Variants in SPOPL observed in about 807,000 individuals in gnomAD.
SPOPL encodes the protein speckle-type POZ protein-like.
In SPOPL, 23 loss-of-function variants were observed where a neutral mutation model predicts 53.8. The observed-to-expected ratio is 0.43, with a 90% confidence interval of 0.31 to 0.61. The LOEUF (loss-of-function observed/expected upper bound fraction) is 0.61. SPOPL is among the 20% of genes least tolerant of loss of function. The pLI, the probability that SPOPL is intolerant of heterozygous loss-of-function variation, is 0.12. For synonymous variants in SPOPL, 164 were observed against 149.7 expected (o/e 1.10, Z -0.70); for missense variants, 442 against 466.9 (o/e 0.95, Z 0.49).
In SPOPL at chr2:138,569,959, A is replaced by G. The variant is rs1179114687; in HGVS notation, c.*879A>G. On this transcript the variant is annotated 3_prime_UTR_variant, in exon 11 of 11. Transcript: ENST00000280098. ...AACTTTTGTATGCTGAATGGTACAT[A>G]TATTTTTTTGCTTTTGAGGGAATTA... 3 of 152,574 alleles carry G rather than the reference A, an allele frequency of 2.0e-5. No homozygotes were observed. 9.5% of individuals were successfully genotyped at this position (152,574 alleles called of 1,614,324 possible).
At chr2:138,560,113 G>A (rs1685512533) in intron 7 of SPOPL, among the ~76,000 whole-genome samples, 1 of 152,096 alleles carries the variant, frequency 6.6e-6, no homozygotes, top group Non-Finnish European at 1.5e-5. Flanking sequence ...ATTGATCTCA[G>A]CAAAGAAACT....
rs191324386 is a variant in SPOPL at position 138,528,654 on chromosome 2, A to G, written c.-60-21503A>G. On this transcript the variant is annotated intron_variant, in intron 1 of 10. Coordinates refer to ENST00000280098, the MANE Select transcript of SPOPL (RefSeq NM_001001664.3). ...GGTATCTAGAAATCAGAAAATTACT[A>G]GAAAAACTGTATACTTTGTCACATA... 3.3e-5 allele frequency among the ~76,000 whole-genome samples: 5 copies of G among 152,328 alleles called. No individual in the cohort carries two copies. In the East Asian group the frequency reaches 7.7e-4, roughly 24 times the overall value.
At chr2:138,554,513 C>T in intron 5 of SPOPL, 1 of 1,289,550 alleles carries the variant, frequency 7.8e-7, no homozygotes, top group Admixed American at 2.3e-5. Flanking sequence ...CTCCCCCTCC[C>T]CTGCAAGTGG....
chr2:138,506,657 G>GT (rs1195393960), intron 1 of SPOPL, among the ~76,000 whole-genome samples: 1 of 152,078 alleles, frequency 6.6e-6, no homozygotes, highest in East Asian at 1.9e-4. Context: ...TTATTTTGTA[G>GT]TTTCAGGGAA....
Position 138,564,443 on chromosome 2 carries a change from T to A in SPOPL, c.838-265T>A, listed in dbSNP as rs148739835. ...AGAGAAGTATATTTATTAAGAATAT[T>A]GAGTAATAAGGTAGCTTTTTAGAAT... On this transcript the variant is annotated intron_variant, in intron 8 of 10. Coordinates refer to ENST00000280098, the MANE Select transcript of SPOPL (RefSeq NM_001001664.3). 5.9e-4 allele frequency: 218 copies of A among 371,672 alleles called. 1 individual carries two copies. The highest frequency in any genetic ancestry group is 4.3e-3 in the African/African-American group (207 of 48,082). 23.0% of individuals were successfully genotyped at this position (371,672 alleles called of 1,614,324 possible).
chr2:138,570,534 C>T lies in SPOPL; in HGVS notation c.*1454C>T, dbSNP rs1685758869. Reference sequence around the variant, plus strand: ...AGCAGTCAGTGTTGGGGTACCACATCTGACTTACTGTGGTGGTGACCAGTG... The same window carrying T: ...AGCAGTCAGTGTTGGGGTACCACATTTGACTTACTGTGGTGGTGACCAGTG... On this transcript the variant is annotated 3_prime_UTR_variant, in exon 11 of 11. Coordinates refer to ENST00000280098, the MANE Select transcript of SPOPL (RefSeq NM_001001664.3). 1 of 152,110 alleles carries T rather than the reference C, an allele frequency of 6.6e-6. No homozygotes were observed. Among genetic ancestry groups the T allele is most frequent in the African/African-American group, 2.4e-5 (1 of 41,430 alleles). The allele number at this position is 152,110 out of a possible 1,614,324, so 9.4% of individuals were successfully genotyped here.
intron 1 of SPOPL, among the ~76,000 whole-genome samples, chr2:138,534,460 C>T (rs1173185127): frequency 6.6e-6 from 1 of 152,054 alleles, no homozygotes; most frequent in Non-Finnish European, 1.5e-5. Context: ...ACTGGAACAT[C>T]TGTGAATTTT....
At chr2:138,549,234 A>G (rs747626991) in intron 1 of SPOPL, among the ~76,000 whole-genome samples, 4 of 152,054 alleles carry the variant, frequency 2.6e-5, no homozygotes, top group Non-Finnish European at 5.9e-5. Context: ...ATATATGTTT[A>G]TACTTGTCAT....
intron 1 of SPOPL, among the ~76,000 whole-genome samples, chr2:138,542,812 T>C (rs1685103851): frequency 1.3e-5 from 2 of 152,340 alleles, no homozygotes; most frequent in South Asian, 4.1e-4. Context: ...CTTTAGTTGA[T>C]GCAGTTTCTT....
At chr2:138,565,735 ATT>A (rs1191604759) in intron 10 of SPOPL, among the ~76,000 whole-genome samples, 16 of 142,896 alleles carry the variant, frequency 1.1e-4, no homozygotes, top group Non-Finnish European at 9.3e-5. Context: ...GAAAGTGGGA[ATT>A]TTTTTTTTTT....
In SPOPL at chr2:138,559,355, G is replaced by T; in HGVS notation, c.714+18G>T. The T allele has an allele frequency of 6.3e-7, 1 of 1,596,010 alleles. No individual in the cohort carries two copies. Among genetic ancestry groups the T allele is most frequent in the South Asian group, 1.1e-5 (1 of 88,312 alleles). On this transcript the variant is annotated intron_variant, in intron 7 of 10. Transcript: ENST00000280098. ...GCAAAAAGGTAAACATGGCTTAAAGGCTAATATTGAATTTATATAAACGTA... is the reference window on the plus strand; with the variant it reads ...GCAAAAAGGTAAACATGGCTTAAAGTCTAATATTGAATTTATATAAACGTA...
chr2:138,555,779 A>G (rs944552203), intron 5 of SPOPL, among the ~76,000 whole-genome samples: 5 of 152,160 alleles, frequency 3.3e-5, no homozygotes, highest in Non-Finnish European at 7.3e-5. Flanking sequence ...TGTCTAAACT[A>G]TGTTCTCTGA....
rs563220422 is a variant in SPOPL, at chr2:138,513,949, G to A, written c.-61+11830G>A. ...GGGCATCAAGGGGGCTCATTTATTT[G>A]TTAAACTTTTTTTGCTTTTTTATTT... is the stretch of plus-strand genomic sequence containing the variant. On this transcript the variant is annotated intron_variant, in intron 1 of 10. Coordinates refer to ENST00000280098, the MANE Select transcript of SPOPL (RefSeq NM_001001664.3). Among the ~76,000 whole-genome samples the A allele has an allele frequency of 9.2e-5, 14 of 152,184 alleles. No individual in the cohort carries two copies. The South Asian group carries it at 2.3e-3, about 25-fold the overall frequency.
At position 138,552,568 on chromosome 2, in the gene SPOPL, T is replaced by TATCG. The variant is rs1277258109; in HGVS notation, c.370_373dup (p.Phe125SerfsTer11). Reference sequence around the variant, plus strand: ...TTTTCCACCAGAAAGCCAAAGAGCATATCGATTTGTGCAAGGGAAGGACTG... The same window carrying TATCG: ...TTTTCCACCAGAAAGCCAAAGAGCATATCGATCGATTTGTGCAAGGGAAGGACTG... On this transcript the variant is annotated frameshift_variant, in exon 5 of 11. Coordinates refer to ENST00000280098, the MANE Select transcript of SPOPL (RefSeq NM_001001664.3). LOFTEE classifies it high-confidence loss of function. 1 of 1,610,454 alleles carries TATCG rather than the reference T, an allele frequency of 6.2e-7. No individual in the cohort carries two copies. The highest frequency in any genetic ancestry group is 8.5e-7 in the Non-Finnish European group (1 of 1,178,546).
At chr2:138,503,060 C>T (rs1167592861) in intron 1 of SPOPL, among the ~76,000 whole-genome samples, 1 of 152,168 alleles carries the variant, frequency 6.6e-6, no homozygotes, top group African/African-American at 2.4e-5. Context: ...TCCACTGTTT[C>T]TTGGACTAGA....
intron 5 of SPOPL, among the ~76,000 whole-genome samples, chr2:138,554,000 A>G (rs1685367157): frequency 6.6e-6 from 1 of 151,890 alleles, no homozygotes; most frequent in Non-Finnish European, 1.5e-5. Flanking sequence ...ATTTAATCCA[A>G]TTTTTAACAA....
intron 5 of SPOPL, among the ~76,000 whole-genome samples, chr2:138,557,538 A>G (rs1414583978): frequency 6.6e-6 from 1 of 152,058 alleles, no homozygotes; most frequent in African/African-American, 2.4e-5. Context: ...AGTTTAGCAA[A>G]TTTATTTATT....
chr2:138,512,442 T>A (rs1015043540), intron 1 of SPOPL, among the ~76,000 whole-genome samples: 2 of 152,164 alleles, frequency 1.3e-5, no homozygotes, highest in Non-Finnish European at 2.9e-5. Context: ...TTTTAAAGGG[T>A]TTCAGTATTA....
intron 1 of SPOPL, among the ~76,000 whole-genome samples, chr2:138,544,320 T>C (rs1685142643): frequency 6.6e-6 from 1 of 152,214 alleles, no homozygotes; most frequent in African/African-American, 2.4e-5. Flanking sequence ...GTCTTAGCCC[T>C]GCCCCCACAG....
Sources: gnomAD v4.1 joint callset for allele counts (sites outside exome capture counted in the v4.1 genomes callset) on GRCh38, gnomAD v4.1.1 for gene constraint, MANE v1.5 for transcripts, NCBI Gene and HGNC (gene_info 2026-07-23, HGNC 2026-07-21) for gene names.